LRMDA: variants seen among roughly 807,000 people sequenced by gnomAD.
The protein encoded by LRMDA is leucine-rich melanocyte differentiation-associated protein.
LRMDA carries 18 observed loss-of-function variants against 29.8 expected under a neutral mutation model. That is an observed-to-expected ratio of 0.60 (90% CI 0.42 to 0.90). The LOEUF is 0.90. LRMDA is among the 40% of genes least tolerant of loss of function. The pLI is 0.00. For synonymous variants in LRMDA, 125 were observed against 109.4 expected, an observed-to-expected ratio of 1.14 and a Z score of -0.89; for missense variants, 273 against 273.9, an observed-to-expected ratio of 1.00 and a Z score of 0.02.
chr10:76,328,171 A>G (rs1445606619), intron 6 of LRMDA, among the ~76,000 whole-genome samples: 1 of 152,166 alleles, frequency 6.6e-6, no homozygotes, highest in Admixed American at 6.5e-5. Flanking sequence ...CCTCGTGGCA[A>G]TCTACATATT....
intron 5 of LRMDA, among the ~76,000 whole-genome samples, chr10:76,146,556 C>T (rs1850325959): frequency 6.6e-6 from 1 of 152,124 alleles, no homozygotes; most frequent in Non-Finnish European, 1.5e-5. Context: ...AGATCTTCCT[C>T]CATCCCTTTA....
chr10:76,039,299 G>A (rs755163444), intron 3 of LRMDA, among the ~76,000 whole-genome samples: 19 of 152,158 alleles, frequency 1.2e-4, no homozygotes, highest in Non-Finnish European at 2.4e-4. Flanking sequence ...GTGATAAAGG[G>A]AGCCCTAGAA....
At chr10:75,767,886 AG>A (rs1843190126) in intron 2 of LRMDA, among the ~76,000 whole-genome samples, 1 of 152,242 alleles carries the variant, frequency 6.6e-6, no homozygotes, top group Non-Finnish European at 1.5e-5. Context: ...AGAGAGGCAG[AG>A]GGAAATTTGA....
chr10:76,130,125 T>C (rs1849960111), intron 5 of LRMDA, among the ~76,000 whole-genome samples: 1 of 151,994 alleles, frequency 6.6e-6, no homozygotes, highest in East Asian at 1.9e-4. Context: ...GTTTTTTTTT[T>C]TTTTTGGACA....
chr10:76,543,316 C>CTGTGTGTGTGTGTG, intron 6 of LRMDA, among the ~76,000 whole-genome samples: 1 of 144,224 alleles, frequency 6.9e-6, no homozygotes, highest in Admixed American at 7.0e-5. Flanking sequence ...TGGGGTGTGC[C>CTGTGTGTGTGTGTG]TGTGTGTGTG....
At chr10:75,875,440 CT>C (rs937717180) in intron 2 of LRMDA, among the ~76,000 whole-genome samples, 14 of 149,076 alleles carry the variant, frequency 9.4e-5, no homozygotes, top group African/African-American at 2.0e-4. Context: ...TTTTCTTTTT[CT>C]TTTTTTTTTG....
chr10:75,697,852 CGTGTGTGT>C lies in LRMDA; in HGVS notation c.131+259365_131+259372del, dbSNP rs904712132. Among the ~76,000 whole-genome samples, 47 of 97,278 alleles carry C rather than the reference CGTGTGTGT, an allele frequency of 4.8e-4. 1 individual carries two copies. The highest frequency in any genetic ancestry group is 8.7e-4 in the Non-Finnish European group (41 of 47,126). The allele number at this position is 97,278 out of a possible 152,430, so 63.8% of individuals were successfully genotyped here. ...ATGTAAGAGTGTGTGTGTGTGTGTG[CGTGTGTGT>C]GTGTGTCTCATTCGCGCTCTAGAAC... On this transcript the variant is annotated intron_variant, in intron 2 of 6. Transcript: ENST00000611255.
intron 5 of LRMDA, among the ~76,000 whole-genome samples, chr10:76,156,585 C>T (rs1419889908): frequency 6.6e-6 from 1 of 152,012 alleles, no homozygotes; most frequent in Non-Finnish European, 1.5e-5. Context: ...ATGGGCTTAA[C>T]CAACATTCAC....
At chr10:76,377,563 A>G (rs1022844411) in intron 6 of LRMDA, among the ~76,000 whole-genome samples, 1 of 152,106 alleles carries the variant, frequency 6.6e-6, no homozygotes, top group African/African-American at 2.4e-5. Flanking sequence ...GTATCTGGTG[A>G]GACATATGGG....
intron 3 of LRMDA, among the ~76,000 whole-genome samples, chr10:76,036,582 G>T (rs1265903091): frequency 6.6e-6 from 1 of 152,226 alleles, no homozygotes; most frequent in African/African-American, 2.4e-5. Context: ...GGAAGGCTCT[G>T]GGGCAGGCTT....
chr10:76,460,767 T>C (rs749574644), intron 6 of LRMDA, among the ~76,000 whole-genome samples: 1 of 152,158 alleles, frequency 6.6e-6, no homozygotes, highest in Non-Finnish European at 1.5e-5. Flanking sequence ...CCAAAACCTC[T>C]AAGGAAAGTT....
chr10:75,957,820 G>A (rs1447801172), intron 2 of LRMDA, among the ~76,000 whole-genome samples: 1 of 152,094 alleles, frequency 6.6e-6, no homozygotes, highest in Non-Finnish European at 1.5e-5. Flanking sequence ...AAGCTAATGT[G>A]ATGAGGATGA....
chr10:76,058,742 G>T lies in LRMDA; in HGVS notation c.475G>T (p.Ala159Ser). ...AGTAACCAGACAAGAACGAGAGGAG[G>T]CGTTGGTCAGAGGAGTCTTCATGAA... ...QKVTRQEREEALVRGVFMKVV... is the reference protein window; with the variant it reads ...QKVTRQEREESLVRGVFMKVV... The change falls in exon 5 of 7, where the codon GCG becomes TCG. Residue 159 changes from alanine to serine, a missense_variant. Ala to Ser is a moderately conservative substitution (Grantham distance 99, BLOSUM62 1). Coordinates refer to ENST00000611255, the MANE Select transcript of LRMDA (RefSeq NM_001305581.2). 25 of 1,614,168 alleles carry T rather than the reference G, an allele frequency of 1.5e-5. No homozygotes were observed. Among genetic ancestry groups the T allele is most frequent in the Non-Finnish European group, 2.1e-5 (25 of 1,180,012 alleles).
chr10:76,355,490 T>C (rs1841228191), intron 6 of LRMDA, among the ~76,000 whole-genome samples: 1 of 152,216 alleles, frequency 6.6e-6, no homozygotes, highest in Non-Finnish European at 1.5e-5. Context: ...CCAACAACTA[T>C]ACCTGATGTG....
At chr10:75,916,824 T>C (rs1385283875) in intron 2 of LRMDA, among the ~76,000 whole-genome samples, 1 of 152,162 alleles carries the variant, frequency 6.6e-6, no homozygotes, top group Non-Finnish European at 1.5e-5. Context: ...GGTAATAGTT[T>C]TAAAATTATT....
At chr10:75,523,029 A>C (rs760987477) in intron 2 of LRMDA, among the ~76,000 whole-genome samples, 27 of 152,258 alleles carry the variant, frequency 1.8e-4, no homozygotes, top group Non-Finnish European at 3.5e-4. Flanking sequence ...TCCTCCCAGT[A>C]GTGCAGCCTT....
At chr10:76,171,801 A>G (rs536713529) in intron 5 of LRMDA, among the ~76,000 whole-genome samples, 2 of 152,206 alleles carry the variant, frequency 1.3e-5, no homozygotes, top group Non-Finnish European at 2.9e-5. Context: ...CCTGCCTTAT[A>G]CAGTTAAGAA....
At chr10:76,121,379 T>A (rs1249715950) in intron 5 of LRMDA, among the ~76,000 whole-genome samples, 5 of 152,206 alleles carry the variant, frequency 3.3e-5, no homozygotes, top group African/African-American at 1.2e-4. Flanking sequence ...GGCACCATTA[T>A]GAGAAGCTGA....
intron 2 of LRMDA, among the ~76,000 whole-genome samples, chr10:75,446,724 A>G (rs1011377561): frequency 6.6e-6 from 1 of 152,164 alleles, no homozygotes; most frequent in Non-Finnish European, 1.5e-5. Flanking sequence ...TAATATAAAT[A>G]CCTTAGCTTT....
Sources: gnomAD v4.1 joint callset for allele counts (sites outside exome capture counted in the v4.1 genomes callset) on GRCh38, gnomAD v4.1.1 for gene constraint, MANE v1.5 for transcripts, NCBI Gene and HGNC (gene_info 2026-07-23, HGNC 2026-07-21) for gene names.